The following COMMD8 variants were observed in gnomAD, a reference collection of about 807,000 sequenced individuals.
COMMD8 encodes COMM domain containing 8.
In COMMD8, 28 loss-of-function variants were observed where a neutral mutation model predicts 27.2. The ratio of observed to expected loss-of-function variants is 1.03; its 90% CI spans 0.76 to 1.41. The LOEUF is 1.41. COMMD8 is among the 40% of genes most tolerant of loss of function. COMMD8 has a pLI of 0.00. For synonymous variants in COMMD8, 79 were observed against 75.5 expected (o/e 1.05, Z -0.24); for missense variants, 217 against 211.2 (o/e 1.03, Z -0.17).
In COMMD8 at chr4:47,460,236, T is replaced by C. The variant is rs1729990163; in HGVS notation, c.130A>G (p.Thr44Ala). ...RAYPVYQDYH[T>A]VWESEEWMHV... is the part of the protein sequence containing the mutation. ...ATCCATTCTTCTGATTCCCAAACAGTGTGATAATCTTGGTACACAGGATAA... is the reference window on the plus strand; with the variant it reads ...ATCCATTCTTCTGATTCCCAAACAGCGTGATAATCTTGGTACACAGGATAA... The change falls in exon 2 of 5, where the codon ACT (threonine) becomes GCT (alanine). Residue 44 changes from threonine (T) to alanine (A), a missense_variant. Thr to Ala is a moderately conservative substitution (Grantham distance 58). Transcript: ENST00000381571. The C allele has an allele frequency of 1.2e-6, 2 of 1,613,362 alleles. No individual in the cohort carries two copies. Among genetic ancestry groups the C allele is most frequent in the African/African-American group, 1.3e-5 (1 of 75,024 alleles).
chr4:47,462,006 A>C (rs1730038078), intron 1 of COMMD8, among the ~76,000 whole-genome samples: 1 of 152,126 alleles, frequency 6.6e-6, no homozygotes, highest in Non-Finnish European at 1.5e-5. Flanking sequence ...GAAGAAGTGC[A>C]TTTCTAGACA....
At chr4:47,463,435 A>C (rs1199290313) in intron 1 of COMMD8, 151 bp downstream of exon 1, 9 of 705,756 alleles carry the variant, frequency 1.3e-5, no homozygotes, top group Non-Finnish European at 2.1e-5. Flanking sequence ...TCCCCAGGGA[A>C]GGCGGGGACC....
chr4:47,461,688 G>A (rs1225207812), intron 1 of COMMD8, among the ~76,000 whole-genome samples: 1 of 152,096 alleles, frequency 6.6e-6, no homozygotes, highest in East Asian at 1.9e-4. Context: ...TTTATTTAAT[G>A]GCAAAGAAAC....
intron 1 of COMMD8, among the ~76,000 whole-genome samples, chr4:47,461,900 T>A (rs1053254288): frequency 6.6e-6 from 1 of 152,140 alleles, no homozygotes; most frequent in African/African-American, 2.4e-5. Context: ...GATGGGGCCA[T>A]AATAAAAATA....
chr4:47,456,282 ATATATATATATATATATATG>A (rs1429825825), intron 3 of COMMD8, among the ~76,000 whole-genome samples: 1 of 129,478 alleles, frequency 7.7e-6, no homozygotes, highest in Non-Finnish European at 1.7e-5. Flanking sequence ...ATATATATAT[ATATATATATATATATATATG>A]TATATGTTGA....
intron 1 of COMMD8, among the ~76,000 whole-genome samples, chr4:47,461,569 T>G (rs891601592): frequency 6.6e-6 from 1 of 152,200 alleles, no homozygotes; most frequent in Non-Finnish European, 1.5e-5. Context: ...TTATCTTTTT[T>G]GGAATATGTT....
intron 2 of COMMD8, among the ~76,000 whole-genome samples, chr4:47,457,814 C>A (rs1436722955): frequency 4.0e-5 from 6 of 150,556 alleles, no homozygotes; most frequent in African/African-American, 1.5e-4. Context: ...AAACTTAACA[C>A]CTTGACAATA....
chr4:47,456,267 CATAT>C (rs34279197), intron 3 of COMMD8, among the ~76,000 whole-genome samples: 11,322 of 118,754 alleles, frequency 0.095, 673 homozygotes, highest in African/African-American at 0.18. Flanking sequence ...ATAAATTATA[CATAT>C]ATATATATAT....
intron 3 of COMMD8, 35 bp from the exon 4 acceptor site, chr4:47,453,249 A>C: frequency 1.9e-6 from 3 of 1,576,918 alleles, no homozygotes; most frequent in Non-Finnish European, 2.6e-6. Context: ...ATTAATAAAT[A>C]GTAAAAAGAA....
chr4:47,453,651 A>G (rs1424708586), intron 3 of COMMD8, among the ~76,000 whole-genome samples: 1 of 151,378 alleles, frequency 6.6e-6, no homozygotes. Flanking sequence ...ATCTATCACA[A>G]TATTGATAAA....
At chr4:47,460,389 T>G (rs1463182418) in intron 1 of COMMD8, 90 bp from the exon 2 acceptor site, 2 of 1,057,456 alleles carry the variant, frequency 1.9e-6, no homozygotes, top group Non-Finnish European at 2.8e-6. Context: ...TGGGAGATGT[T>G]CATGTTATCT....
chr4:47,451,720 T>C, intron 4 of COMMD8, 55 bp from the exon 5 acceptor site: 2 of 1,348,044 alleles, frequency 1.5e-6, no homozygotes, highest in East Asian at 2.6e-5. Flanking sequence ...GATGCTGATA[T>C]ATTCCATATT....
chr4:47,463,689 C>A lies in COMMD8; in HGVS notation c.-38G>T, dbSNP rs1050476749. ...CTGGGGCTTGGGTCACGTGTCAAGG[C>A]TGGCCGCTTGTCTAAAGCTACGACT... is the stretch of plus-strand genomic sequence containing the variant. On this transcript the variant is annotated 5_prime_UTR_variant, in exon 1 of 5. Transcript: ENST00000381571. The A allele has an allele frequency of 6.6e-7, 1 of 1,526,482 alleles. No individual in the cohort carries two copies. Among genetic ancestry groups the A allele is most frequent in the Non-Finnish European group, 8.8e-7 (1 of 1,134,010 alleles). The allele number at this position is 1,526,482 out of a possible 1,614,324, so 94.6% of individuals were successfully genotyped here.
chr4:47,462,870 T>C (rs1401906753), intron 1 of COMMD8, among the ~76,000 whole-genome samples: 1 of 152,144 alleles, frequency 6.6e-6, no homozygotes, highest in Non-Finnish European at 1.5e-5. Context: ...TTCTGTCTCC[T>C]CCACACTTTC....
chr4:47,459,857 A>T, intron 2 of COMMD8: 1 of 246,368 alleles, frequency 4.1e-6, no homozygotes, highest in Non-Finnish European at 7.6e-6. Context: ...TGAAACAAAC[A>T]CACACATTGC....
intron 2 of COMMD8, 111 bp downstream of exon 2, chr4:47,460,033 G>T: frequency 1.3e-6 from 1 of 785,072 alleles, no homozygotes; most frequent in Non-Finnish European, 1.9e-6. Context: ...ACAATTATAA[G>T]GTATTTGTTG....
rs1156770781 is a variant in COMMD8, at chr4:47,463,635, C to A, written c.17G>T (p.Gly6Val). The A allele has an allele frequency of 6.5e-7, 1 of 1,549,232 alleles. No individual in the cohort carries two copies. Among genetic ancestry groups the A allele is most frequent in the South Asian group, 1.2e-5 (1 of 83,914 alleles). MEPEE[G>V]TPLWRLQKLP... The stretch of plus-strand genomic sequence containing the variant: ...CTTCTGCAGCCGCCACAAGGGCGTC[C>A]CCTCTTCCGGCTCCATCCCTGCGCG... The change falls in exon 1 of 5, where the codon GGG becomes GTG. Residue 6 changes from glycine (G) to valine (V), a missense_variant. Physicochemically the swap from Gly to Val is moderately radical, Grantham distance 109. Coordinates refer to ENST00000381571, the MANE Select transcript of COMMD8 (RefSeq NM_017845.5).
chr4:47,458,502 A>G (rs1578174391), intron 2 of COMMD8, among the ~76,000 whole-genome samples: 1 of 152,126 alleles, frequency 6.6e-6, no homozygotes, highest in East Asian at 1.9e-4. Context: ...AGAGCTCAAC[A>G]CTGAAAACTA....
At position 47,456,731 on chromosome 4, in the gene COMMD8, T is replaced by G; in HGVS notation, c.223-2A>C. 1 of 1,563,484 alleles carries G rather than the reference T, an allele frequency of 6.4e-7. No homozygotes were observed. On this transcript the variant is annotated splice_acceptor_variant, in intron 2 of 4. Coordinates refer to ENST00000381571, the MANE Select transcript of COMMD8 (RefSeq NM_017845.5). LOFTEE classifies it high-confidence loss of function. ...CAACTGATTCAACTGCTGAAATATCTATAAAAATAAAAACAGGCAAAAGGG... is the reference window on the plus strand; with the variant it reads ...CAACTGATTCAACTGCTGAAATATCGATAAAAATAAAAACAGGCAAAAGGG...
Sources: gnomAD v4.1 joint callset for allele counts (sites outside exome capture counted in the v4.1 genomes callset) on GRCh38, gnomAD v4.1.1 for gene constraint, MANE v1.5 for transcripts, NCBI Gene and HGNC (gene_info 2026-07-23, HGNC 2026-07-21) for gene names.